RAD51B: variants seen among roughly 807,000 people sequenced by gnomAD.
RAD51B encodes the protein RAD51 paralog B, also known as DNA repair protein RAD51 homolog 2.
Under a neutral mutation model 42.2 loss-of-function variants are expected in RAD51B, and 38 were observed. The ratio of observed to expected loss-of-function variants is 0.90; its 90% confidence interval spans 0.70 to 1.18. The LOEUF (loss-of-function observed/expected upper bound fraction) is 1.18. Among genes scored for constraint, RAD51B ranks in the 50% most tolerant of loss-of-function variants. The pLI, the probability that RAD51B is intolerant of heterozygous loss-of-function variation, is 0.00. For missense variants in RAD51B, 373 were observed against 400.7 expected, an observed-to-expected ratio of 0.93 and a Z score of 0.59; for synonymous variants, 154 against 145.2, an observed-to-expected ratio of 1.06 and a Z score of -0.43.
At chr14:67,872,880 A>C (rs1046074204) in intron 5 of RAD51B, among the ~76,000 whole-genome samples, 1 of 152,244 alleles carries the variant, frequency 6.6e-6, no homozygotes, top group African/African-American at 2.4e-5. Flanking sequence ...AAAACTGGCT[A>C]GCCATATATA....
At chr14:68,637,401 A>G (rs1346337967) in intron 10 of RAD51B, among the ~76,000 whole-genome samples, 2 of 152,300 alleles carry the variant, frequency 1.3e-5, no homozygotes, top group East Asian at 3.9e-4. Context: ...TGCTGACTGA[A>G]TAAATAGTAT....
At chr14:68,143,887 C>T (rs547647808) in intron 7 of RAD51B, among the ~76,000 whole-genome samples, 2 of 152,276 alleles carry the variant, frequency 1.3e-5, no homozygotes, top group South Asian at 4.1e-4. Flanking sequence ...CACTCTCTTT[C>T]CTTGGCAAAT....
intron 10 of RAD51B, among the ~76,000 whole-genome samples, chr14:68,555,585 G>A (rs1397525798): frequency 6.6e-6 from 1 of 152,212 alleles, no homozygotes; most frequent in Non-Finnish European, 1.5e-5. Flanking sequence ...GGGGACAGCA[G>A]GGCGGGTGAA....
chr14:68,064,749 T>C (rs1394213429), intron 7 of RAD51B, among the ~76,000 whole-genome samples: 1 of 152,128 alleles, frequency 6.6e-6, no homozygotes, highest in Non-Finnish European at 1.5e-5. Context: ...TTATCTAATC[T>C]GTTATTGAGA....
At chr14:68,509,978 G>C (rs575651878) in intron 10 of RAD51B, among the ~76,000 whole-genome samples, 1 of 152,136 alleles carries the variant, frequency 6.6e-6, no homozygotes. Flanking sequence ...CCAGATCCTC[G>C]GTTTTAGCTC....
chr14:67,948,503 C>T (rs888837183), intron 7 of RAD51B, among the ~76,000 whole-genome samples: 21 of 152,120 alleles, frequency 1.4e-4, no homozygotes, highest in Non-Finnish European at 2.6e-4. Flanking sequence ...TGGTGGGTTC[C>T]GTGTCAGACC....
At chr14:67,851,983 G>A (rs2041823882) in intron 4 of RAD51B, among the ~76,000 whole-genome samples, 1 of 152,028 alleles carries the variant, frequency 6.6e-6, no homozygotes, top group African/African-American at 2.4e-5. Flanking sequence ...GCATCCTGCT[G>A]GAGGTCTACT....
chr14:67,854,076 C>T (rs979596226), intron 4 of RAD51B, among the ~76,000 whole-genome samples: 2 of 152,194 alleles, frequency 1.3e-5, no homozygotes, highest in South Asian at 4.1e-4. Context: ...TAATATAGAT[C>T]AGTGTTCCTC....
intron 7 of RAD51B, among the ~76,000 whole-genome samples, chr14:68,072,945 G>A (rs1007376772): frequency 4.6e-5 from 7 of 152,174 alleles, no homozygotes; most frequent in Admixed American, 1.3e-4. Context: ...ATTGCTTTGT[G>A]TTCTAGTGTG....
At chr14:68,443,773 C>T (rs1422281872) in intron 9 of RAD51B, among the ~76,000 whole-genome samples, 1 of 152,020 alleles carries the variant, frequency 6.6e-6, no homozygotes, top group Non-Finnish European at 1.5e-5. Flanking sequence ...ACCAACTTTG[C>T]CTAGCCTTGA....
intron 7 of RAD51B, among the ~76,000 whole-genome samples, chr14:68,064,723 G>A (rs1395679701): frequency 6.6e-6 from 1 of 151,786 alleles, no homozygotes; most frequent in East Asian, 1.9e-4. Flanking sequence ...GAAAGTCAGG[G>A]ATTCTTTTTT....
intron 7 of RAD51B, among the ~76,000 whole-genome samples, chr14:68,234,643 A>G (rs746549634): frequency 5.9e-5 from 9 of 152,178 alleles, no homozygotes; most frequent in Non-Finnish European, 1.3e-4. Context: ...TAAACAGTAA[A>G]TATATGGTAT....
At chr14:68,459,962 A>G (rs906675728) in intron 9 of RAD51B, among the ~76,000 whole-genome samples, 6 of 152,196 alleles carry the variant, frequency 3.9e-5, no homozygotes, top group African/African-American at 1.4e-4. Context: ...AGAATTCATG[A>G]CTGGTGTACA....
intron 7 of RAD51B, among the ~76,000 whole-genome samples, chr14:68,255,861 A>G (rs545301347): frequency 6.6e-6 from 1 of 152,282 alleles, no homozygotes; most frequent in Admixed American, 6.5e-5. Context: ...ATAAGCTGAA[A>G]ATTAGAGGTG....
At chr14:68,651,153 G>A (rs1015600724) in intron 11 of RAD51B, among the ~76,000 whole-genome samples, 3 of 152,144 alleles carry the variant, frequency 2.0e-5, no homozygotes, top group Admixed American at 1.3e-4. Flanking sequence ...CCAAAATGAT[G>A]AAATGTTTAC....
chr14:67,999,370 T>A lies in RAD51B; in HGVS notation c.756+112166T>A, dbSNP rs949495555. Among the ~76,000 whole-genome samples the A allele has an allele frequency of 1.3e-5, 2 of 152,188 alleles. 1 individual carries two copies. The highest frequency in any genetic ancestry group is 4.8e-5 in the African/African-American group (2 of 41,460). On this transcript the variant is annotated intron_variant, in intron 7 of 10. Transcript: ENST00000471583. ...TTTCAGGCAGCACTAGAGTGCTATA[T>A]GATACATATTAGGCACTGTGCTAGC... is the stretch of plus-strand genomic sequence containing the variant.
intron 10 of RAD51B, among the ~76,000 whole-genome samples, chr14:68,639,577 G>A (rs1892412697): frequency 6.6e-6 from 1 of 152,176 alleles, no homozygotes; most frequent in African/African-American, 2.4e-5. Flanking sequence ...GGAGGAAGCA[G>A]GCAGAGCGTC....
chr14:67,894,779 C>CT (rs1402067666), intron 7 of RAD51B, among the ~76,000 whole-genome samples: 4 of 152,000 alleles, frequency 2.6e-5, no homozygotes, highest in African/African-American at 9.7e-5. Flanking sequence ...ATGTCCCATT[C>CT]TTTTTTTCTT....
At chr14:68,058,835 C>T (rs1352512755) in intron 7 of RAD51B, among the ~76,000 whole-genome samples, 3 of 152,080 alleles carry the variant, frequency 2.0e-5, no homozygotes, top group Non-Finnish European at 4.4e-5. Flanking sequence ...TATGAAATTG[C>T]CTAAGAAGTT....
Sources: allele counts gnomAD v4.1 joint callset (sites outside exome capture counted in the v4.1 genomes callset), GRCh38; gene constraint gnomAD v4.1.1; transcripts MANE v1.5; gene names NCBI Gene and HGNC (gene_info 2026-07-23, HGNC 2026-07-21).